The following PKLR variants were observed in gnomAD, a reference collection of about 807,000 sequenced individuals.
The protein encoded by PKLR is pyruvate kinase L/R, also known as pyruvate kinase PKLR.
PKLR carries 38 observed loss-of-function variants against 53.6 expected under a neutral mutation model. That is an observed-to-expected ratio of 0.71 (90% CI 0.55 to 0.93). PKLR has a LOEUF of 0.93. PKLR is among the 40% of genes least tolerant of loss of function. The pLI, the probability that PKLR is intolerant of heterozygous loss-of-function variation, is 0.00. For synonymous variants in PKLR, 328 were observed against 316.2 expected, an observed-to-expected ratio of 1.04 and a Z score of -0.39; for missense variants, 702 against 787.3, an observed-to-expected ratio of 0.89 and a Z score of 1.30.
chr1:155,305,197 T>C (rs1041369914), upstream of PKLR, among the ~76,000 whole-genome samples: 1 of 152,250 alleles, frequency 6.6e-6, no homozygotes, highest in African/African-American at 2.4e-5. Context: ...CATTCCTTTG[T>C]ATAATCCTGT....
intron 2 of PKLR, among the ~76,000 whole-genome samples, chr1:155,298,766 C>T (rs142347392): frequency 0.022 from 3,374 of 151,708 alleles, 129 homozygotes; most frequent in African/African-American, 0.078. Flanking sequence ...CTCAGCCTCC[C>T]GAGTAGCTGG....
chr1:155,298,415 G>A (rs967553485), intron 2 of PKLR, among the ~76,000 whole-genome samples: 1 of 149,440 alleles, frequency 6.7e-6, no homozygotes, highest in Non-Finnish European at 1.5e-5. Context: ...CGCAACCTCC[G>A]CCTCCCAGGT....
chr1:155,308,617 C>G, the PKLR span: 1 of 985,418 alleles, frequency 1.0e-6, no homozygotes, highest in Non-Finnish European at 1.2e-6. Flanking sequence ...AAAGCCACAG[C>G]GGGGACGTTC....
Position 155,295,813 on chromosome 1 carries a change from A to G in PKLR, c.284-57T>C. 1 of 1,449,838 alleles carries G rather than the reference A, an allele frequency of 6.9e-7. No individual in the cohort carries two copies. The highest frequency in any genetic ancestry group is 9.7e-7 in the Non-Finnish European group (1 of 1,031,298). The allele number at this position is 1,449,838 out of a possible 1,614,324, so 89.8% of individuals were successfully genotyped here. A position where few individuals can be genotyped will look rare whatever the true frequency, so the allele number is the denominator to read the frequency against. On this transcript the variant is annotated intron_variant, in intron 2 of 10. Coordinates refer to ENST00000342741, the MANE Select transcript of PKLR (RefSeq NM_000298.6). This position sits in a 1 kb window ranked among gnomAD's most constrained non-coding sequence, Gnocchi z 4.3. ...TCCCCCAGAACATGAGAGGCAACCA[A>G]ACCCAACCCATTACCATTCTCAGAA...
Position 155,293,602 on chromosome 1 carries a change from C to A in PKLR, c.1117-12G>T, listed in dbSNP as rs367709078. The A allele has an allele frequency of 1.5e-5, 25 of 1,613,984 alleles. No homozygotes were observed. Among genetic ancestry groups the A allele is most frequent in the Non-Finnish European group, 1.9e-5 (23 of 1,179,918 alleles). ...ATGCTCTCCAGCATCTGGGGGACAG[C>A]GTGGATGTCAAAGTTGTAGGACTCA... is the stretch of plus-strand genomic sequence containing the variant. On this transcript the variant is annotated splice_polypyrimidine_tract_variant and intron_variant, in intron 7 of 10. Coordinates refer to ENST00000342741, the MANE Select transcript of PKLR (RefSeq NM_000298.6). This position sits in a 1 kb window ranked among gnomAD's most constrained non-coding sequence, Gnocchi z 4.2.
At chr1:155,294,865 T>A (rs1427631520) in intron 5 of PKLR, 113 bp from the exon 6 acceptor site, 1 of 1,338,090 alleles carries the variant, frequency 7.5e-7, no homozygotes, top group Non-Finnish European at 1.1e-6. Context: ...GTCCTCCTCA[T>A]CTCTCCGCCC....
rs1456117239 is a variant in PKLR at position 155,301,401 on chromosome 1, C to T, written c.-6G>A. The stretch of plus-strand genomic sequence containing the variant: ...ATGTTCTCCTGGATCGACATGCTTT[C>T]AGTGTGGGCCTGGGGCTGCGGGACC... On this transcript the variant is annotated 5_prime_UTR_variant, in exon 1 of 11. Transcript: ENST00000342741. The T allele has an allele frequency of 1.2e-6, 2 of 1,613,926 alleles. No homozygotes were observed. The highest frequency in any genetic ancestry group is 1.7e-6 in the Non-Finnish European group (2 of 1,180,016).
In PKLR at chr1:155,295,598, G is replaced by T; in HGVS notation, c.376-30C>A. The T allele has an allele frequency of 1.2e-6, 2 of 1,614,088 alleles. No individual in the cohort carries two copies. Among genetic ancestry groups the T allele is most frequent in the Non-Finnish European group, 1.7e-6 (2 of 1,180,016 alleles). ...GGGAGGGAGCGGAGCGAGGGTTTCA[G>T]GGGAAGGTGGCCAGGACCTCGAGGC... is the stretch of plus-strand genomic sequence containing the variant. On this transcript the variant is annotated intron_variant, in intron 3 of 10. Transcript: ENST00000342741. The surrounding 1 kb of genome is among the most constrained non-coding windows in gnomAD (Gnocchi z 4.3).
chr1:155,300,327 C>T (rs1161508380), intron 1 of PKLR, 47 bp from the exon 2 acceptor site: 2 of 1,483,256 alleles, frequency 1.3e-6, no homozygotes, highest in South Asian at 1.2e-5. Context: ...TGCCCTTCCT[C>T]CCCATGCCTT....
At position 155,291,912 on chromosome 1, in the gene PKLR, G is replaced by A. The variant is rs902988637; in HGVS notation, c.1462C>T (p.Arg488Ter). 5 of 1,613,420 alleles carry A rather than the reference G, an allele frequency of 3.1e-6. No homozygotes were observed. Among genetic ancestry groups the A allele is most frequent in the African/African-American group, 2.7e-5 (2 of 74,886 alleles). The change falls in exon 10 of 11, where the codon CGA (arginine) becomes TGA (stop). Residue 488 changes from arginine (R) to a stop codon, truncating the protein, a stop_gained. Transcript: ENST00000342741. LOFTEE classifies it high-confidence loss of function. ...ACAGCAATGACTGCTGCCCGAGGTC[G>A]GTACCGAGACAGAAGCTGGGCTGAG... is the stretch of plus-strand genomic sequence containing the variant. ...GRSAQLLSRY[R>*]PRAAVIAVTR...
At chr1:155,300,326 T>G (rs551677810) in intron 1 of PKLR, 46 bp from the exon 2 acceptor site, 2 of 1,484,000 alleles carry the variant, frequency 1.3e-6, no homozygotes, top group East Asian at 4.9e-5. Flanking sequence ...CTGCCCTTCC[T>G]CCCCATGCCT....
At position 155,294,120 on chromosome 1, in the gene PKLR, G is replaced by A. The variant is rs1469155121; in HGVS notation, c.1116+115C>T. 7.5e-6 allele frequency: 9 copies of A among 1,206,106 alleles called. No individual in the cohort carries two copies. In the East Asian group the frequency reaches 1.9e-4, roughly 25 times the overall value. The allele number at this position is 1,206,106 out of a possible 1,614,324, so 74.7% of individuals were successfully genotyped here. ...TGCACTCCAGCCTGGATGACAGAGT[G>A]AGACTCCGTCTCAAAAAACAAAACA... On this transcript the variant is annotated intron_variant, in intron 7 of 10. Transcript: ENST00000342741.
rs1674438786 is a variant in PKLR at position 155,289,453 on chromosome 1, C to G, written c.*1119G>C. ...TCCATGCCAGCCTCTGTGGTCCTTG[C>G]CCAAACCCATCAGCGCAATACTTGA... On this transcript the variant is annotated 3_prime_UTR_variant, in exon 11 of 11. Coordinates refer to ENST00000342741, the MANE Select transcript of PKLR (RefSeq NM_000298.6). 1 of 152,246 alleles carries G rather than the reference C, an allele frequency of 6.6e-6. No homozygotes were observed. Among genetic ancestry groups the G allele is most frequent in the Non-Finnish European group, 1.5e-5 (1 of 68,050 alleles). 9.4% of individuals were successfully genotyped at this position (152,246 alleles called of 1,614,324 possible).
intron 1 of PKLR, 95 bp downstream of exon 1, chr1:155,301,201 T>A (rs1006598003): frequency 6.8e-7 from 1 of 1,460,614 alleles, no homozygotes; most frequent in African/African-American, 1.4e-5. Flanking sequence ...ACCTAGCCAG[T>A]GGCTGATGTG....
intron 2 of PKLR, 150 bp downstream of exon 2, chr1:155,299,947 CA>C: frequency 2.6e-6 from 2 of 758,412 alleles, no homozygotes; most frequent in Non-Finnish European, 4.4e-6. Context: ...TCCCAGGGCC[CA>C]AAATCTTGTC....
At position 155,294,655 on chromosome 1, in the gene PKLR, C is replaced by T. The variant is rs1371168773; in HGVS notation, c.792G>A (p.Leu264=). Residue 264 remains leucine (L), a synonymous_variant, in exon 6 of 11, where the codon CTG becomes CTA. Transcript: ENST00000342741. The stretch of plus-strand genomic sequence containing the variant: ...GCAGGTCTCGGACGTCCTGCTCGGA[C>T]AGCCCGGGCAAGTCCACCTGGGCCC... ...LPGAQVDLPG[L]SEQDVRDLRF... is the part of the protein sequence containing the mutation. 6.2e-7 allele frequency: 1 copy of T among 1,614,152 alleles called. No individual in the cohort carries two copies. The highest frequency in any genetic ancestry group is 1.1e-5 in the South Asian group (1 of 91,086).
Position 155,294,242 on chromosome 1 carries a change from G to A in PKLR, c.1109C>T (p.Ala370Val). The stretch of plus-strand genomic sequence containing the variant: ...CAAGGCCTCACTCCAGACCTGTGTG[G>A]CACAGACAACAGGCTTGCCCGCCAA... ...CNLAGKPVVC[A>V]TQMLESMITK... Residue 370 changes from alanine to valine, a missense_variant, in exon 7 of 11, where the codon GCC (alanine) becomes GTC (valine). Ala to Val is a moderately conservative substitution (Grantham distance 64). Around this residue, in one of 2 missense-constraint regions of PKLR, gnomAD observed 519 missense variants for 537.1 expected, o/e 0.97. Transcript: ENST00000342741. 1 of 1,614,150 alleles carries A rather than the reference G, an allele frequency of 6.2e-7. No homozygotes were observed. The highest frequency in any genetic ancestry group is 8.5e-7 in the Non-Finnish European group (1 of 1,180,016).
the PKLR span, among the ~76,000 whole-genome samples, chr1:155,306,848 T>G: frequency 6.6e-6 from 1 of 152,244 alleles, no homozygotes; most frequent in Non-Finnish European, 1.5e-5. This position sits in a 1 kb window ranked among gnomAD's most constrained non-coding sequence, Gnocchi z 4.2. Flanking sequence ...GTTCGGAGTT[T>G]TTTCCTTCTG....
At chr1:155,304,509 A>G (rs1433859649), upstream of PKLR, among the ~76,000 whole-genome samples, 1 of 149,738 alleles carries the variant, frequency 6.7e-6, no homozygotes, top group South Asian at 2.1e-4. Context: ...GGAAGAATCT[A>G]GGTGGTAGGT....
Sources: gnomAD v4.1 joint callset for allele counts (sites outside exome capture counted in the v4.1 genomes callset) on GRCh38, gnomAD v4.1.1 for gene constraint, gnomAD v4.1.1 regional missense constraint, Gnocchi (gnomAD v3.1) non-coding constraint, MANE v1.5 for transcripts, NCBI Gene and HGNC (gene_info 2026-07-23, HGNC 2026-07-21) for gene names.